The following SORCS2 variants were observed in gnomAD, a reference collection of about 807,000 sequenced individuals.
The protein encoded by SORCS2 is sortilin related VPS10 domain containing receptor 2, also known as VPS10 domain-containing receptor SorCS2.
A neutral mutation model predicts 141.6 loss-of-function variants in SORCS2; 100 were observed. The observed-to-expected ratio is 0.71, with a 90% CI of 0.60 to 0.83. The LOEUF (loss-of-function observed/expected upper bound fraction) is 0.83, where lower values mean the gene tolerates loss of function less well. SORCS2 is among the 40% of genes least tolerant of loss of function. The pLI, the probability that SORCS2 is intolerant of heterozygous loss-of-function variation, is 0.00. For missense variants in SORCS2, 1,646 were observed against 1,560.2 expected, an observed-to-expected ratio of 1.05 and a Z score of -0.93; for synonymous variants, 789 against 676.9, an observed-to-expected ratio of 1.17 and a Z score of -2.57.
chr4:7,236,704 C>T (rs1235294078), intron 1 of SORCS2, among the ~76,000 whole-genome samples: 1 of 152,140 alleles, frequency 6.6e-6, no homozygotes, highest in African/African-American at 2.4e-5. Context: ...TCCTCAGCCT[C>T]CTGAGTAGCT....
At chr4:7,271,238 T>G (rs1401300571) in intron 1 of SORCS2, among the ~76,000 whole-genome samples, 1 of 152,170 alleles carries the variant, frequency 6.6e-6, no homozygotes, top group African/African-American at 2.4e-5. Flanking sequence ...GCTCCTCCAC[T>G]CTGAGCCCTC....
chr4:7,697,083 A>G (rs1414560902), intron 11 of SORCS2, 115 bp from the exon 12 acceptor site: 2 of 804,888 alleles, frequency 2.5e-6, no homozygotes, highest in Non-Finnish European at 4.1e-6. Flanking sequence ...TGTGGGGGAT[A>G]TGGAGACCCG....
chr4:7,510,168 C>T (rs1247391822), intron 2 of SORCS2, among the ~76,000 whole-genome samples: 5 of 152,268 alleles, frequency 3.3e-5, no homozygotes, highest in Non-Finnish European at 7.3e-5. Context: ...GCTGCCTCGG[C>T]AGTCCCAGAT....
chr4:7,635,106 A>T (rs1332010023), intron 3 of SORCS2, among the ~76,000 whole-genome samples: 3 of 152,232 alleles, frequency 2.0e-5, no homozygotes, highest in Non-Finnish European at 2.9e-5. Flanking sequence ...TGATGCTGGC[A>T]TCCTCCTCGT....
At chr4:7,454,915 T>G in intron 2 of SORCS2, among the ~76,000 whole-genome samples, 1 of 103,088 alleles carries the variant, frequency 9.7e-6, no homozygotes, top group African/African-American at 3.9e-5. Context: ...GGCACTGTGT[T>G]GGGGTCAGGT....
At position 7,740,546 on chromosome 4, in the gene SORCS2, A is replaced by C; in HGVS notation, c.*282A>C. 2.1e-6 allele frequency: 1 copy of C among 487,108 alleles called. No individual in the cohort carries two copies. Among genetic ancestry groups the C allele is most frequent in the East Asian group, 3.5e-5 (1 of 28,852 alleles). The allele number at this position is 487,108 out of a possible 1,614,324, so 30.2% of individuals were successfully genotyped here. ...CCCAGACCCCACACACGGCCGCCCC[A>C]CGTGCTGTCGCTCAGCCCGAGGCCT... On this transcript the variant is annotated 3_prime_UTR_variant, in exon 27 of 27. Coordinates refer to ENST00000507866, the MANE Select transcript of SORCS2 (RefSeq NM_020777.3).
At chr4:7,344,099 C>T (rs1048211933) in intron 1 of SORCS2, among the ~76,000 whole-genome samples, 3 of 152,230 alleles carry the variant, frequency 2.0e-5, no homozygotes, top group Non-Finnish European at 4.4e-5. Flanking sequence ...GCGGTGTGGA[C>T]GTGGAACCTG....
At chr4:7,623,782 G>A (rs1273163429) in intron 3 of SORCS2, among the ~76,000 whole-genome samples, 1 of 152,210 alleles carries the variant, frequency 6.6e-6, no homozygotes, top group African/African-American at 2.4e-5. Flanking sequence ...GTCTTTGCCT[G>A]TTCACTAGAC....
chr4:7,387,836 A>G lies in SORCS2; in HGVS notation c.481-8452A>G, dbSNP rs55880524. Among the ~76,000 whole-genome samples, 2 of 124,370 alleles carry G rather than the reference A, an allele frequency of 1.6e-5. 1 individual carries two copies. Among genetic ancestry groups the G allele is most frequent in the Non-Finnish European group, 3.4e-5 (2 of 59,018 alleles). 81.6% of individuals were successfully genotyped at this position (124,370 alleles called of 152,430 possible). A position where few individuals can be genotyped will look rare whatever the true frequency, so the allele number is the denominator to read the frequency against. On this transcript the variant is annotated intron_variant, in intron 1 of 26. Transcript: ENST00000507866. ...CAGATACAGAGATACACATGCACAT[A>G]CATACACATGCACACACATACAGGT... is the stretch of plus-strand genomic sequence containing the variant.
intron 3 of SORCS2, among the ~76,000 whole-genome samples, chr4:7,609,063 G>A (rs1297513878): frequency 6.6e-6 from 1 of 152,090 alleles, no homozygotes; most frequent in Non-Finnish European, 1.5e-5. Context: ...CCCACTAAAA[G>A]CACTAACACT....
rs146625642 is a variant in SORCS2 at position 7,664,608 on chromosome 4, C to T, written c.1071+137C>T. ...CTCTCAAATGCTACTTCGCAGGTCACGGTTTCTGACCGTGGCTGTGGCTGC... is the reference window on the plus strand; with the variant it reads ...CTCTCAAATGCTACTTCGCAGGTCATGGTTTCTGACCGTGGCTGTGGCTGC... On this transcript the variant is annotated intron_variant, in intron 7 of 26. Transcript: ENST00000507866. This position sits in a 1 kb window ranked among gnomAD's most constrained non-coding sequence, Gnocchi z 4.7. 149 of 644,788 alleles carry T rather than the reference C, an allele frequency of 2.3e-4. No homozygotes were observed. Among genetic ancestry groups the T allele is most frequent in the African/African-American group, 1.9e-3 (105 of 54,322 alleles). The allele number at this position is 644,788 out of a possible 1,614,324, so 39.9% of individuals were successfully genotyped here.
intron 1 of SORCS2, among the ~76,000 whole-genome samples, chr4:7,221,329 C>T (rs577213859): frequency 6.2e-4 from 94 of 152,332 alleles, no homozygotes; most frequent in Admixed American, 1.8e-3. Flanking sequence ...CCTGGGCCTA[C>T]GGGTGGACCC....
intron 1 of SORCS2, among the ~76,000 whole-genome samples, chr4:7,273,583 G>T (rs1223147275): frequency 6.6e-6 from 1 of 152,176 alleles, no homozygotes; most frequent in African/African-American, 2.4e-5. Context: ...GGACATGGAG[G>T]GCCCCATCCT....
At chr4:7,423,533 G>T (rs1175862535) in intron 2 of SORCS2, among the ~76,000 whole-genome samples, 1 of 152,144 alleles carries the variant, frequency 6.6e-6, no homozygotes, top group Non-Finnish European at 1.5e-5. Flanking sequence ...TCCCATCCCA[G>T]CCTCCCTAAG....
At chr4:7,370,310 C>T (rs1370009155) in intron 1 of SORCS2, among the ~76,000 whole-genome samples, 1 of 152,190 alleles carries the variant, frequency 6.6e-6, no homozygotes, top group Non-Finnish European at 1.5e-5. Flanking sequence ...GTTGTCTGAG[C>T]CCGGACGGGG....
At chr4:7,380,370 C>T (rs950493366) in intron 1 of SORCS2, among the ~76,000 whole-genome samples, 2 of 152,228 alleles carry the variant, frequency 1.3e-5, no homozygotes, top group African/African-American at 4.8e-5. Context: ...ACAGCTGTTT[C>T]CTGCCATGTT....
chr4:7,480,812 CTGGGACAGGAG>C (rs1730584015), intron 2 of SORCS2, among the ~76,000 whole-genome samples: 1 of 152,266 alleles, frequency 6.6e-6, no homozygotes, highest in Admixed American at 6.5e-5. Context: ...GGAGGCTTGG[CTGGGACAGGAG>C]TGGAGAGCAG....
Position 7,193,242 on chromosome 4 carries a change from T to G in SORCS2, c.480+116T>G. On this transcript the variant is annotated intron_variant, in intron 1 of 26. Transcript: ENST00000507866. The surrounding 1 kb of genome is among the most constrained non-coding windows in gnomAD (Gnocchi z 4.8). ...CACTATGGTCATCAGGGGCGGGTTC[T>G]TGGCGACTTGGGCACTTGGGTCACC... 7.9e-7 allele frequency: 1 copy of G among 1,261,754 alleles called. No individual in the cohort carries two copies. Among genetic ancestry groups the G allele is most frequent in the Non-Finnish European group, 1.0e-6 (1 of 996,354 alleles). The allele number at this position is 1,261,754 out of a possible 1,614,324, so 78.2% of individuals were successfully genotyped here.
intron 1 of SORCS2, among the ~76,000 whole-genome samples, chr4:7,355,450 A>T (rs566680993): frequency 2.4e-4 from 36 of 152,020 alleles, no homozygotes; most frequent in Non-Finnish European, 4.9e-4. Flanking sequence ...ATAAATATTT[A>T]TTTTTTTTGT....
Sources: gnomAD v4.1 joint callset for allele counts (sites outside exome capture counted in the v4.1 genomes callset) on GRCh38, gnomAD v4.1.1 for gene constraint, Gnocchi (gnomAD v3.1) non-coding constraint, MANE v1.5 for transcripts, NCBI Gene and HGNC (gene_info 2026-07-23, HGNC 2026-07-21) for gene names.